The following ABCB7 variants were observed in gnomAD, a reference collection of about 807,000 sequenced individuals.
ABCB7 encodes iron-sulfur clusters transporter ABCB7, mitochondrial.
A neutral mutation model predicts 54.4 loss-of-function variants in ABCB7; 7 were observed. The ratio of observed to expected loss-of-function variants is 0.13; its 90% CI spans 0.07 to 0.24. ABCB7 has a LOEUF of 0.24. Ranked by LOEUF, ABCB7 falls within the 10% of genes least tolerant of loss-of-function variation. ABCB7 has a pLI of 1.00. For missense variants in ABCB7, 356 were observed against 570.4 expected (o/e 0.62, Z 3.83); for synonymous variants, 218 against 207.1 (o/e 1.05, Z -0.45).
intron 15 of ABCB7, among the ~76,000 whole-genome samples, chrX:75,055,410 A>C (rs1043392983): frequency 6.5e-5 from 7 of 108,369 alleles, no homozygotes; most frequent in African/African-American, 2.4e-4. Context: ...TACCACACTC[A>C]GGAAATTTAA....
chrX:75,080,669 A>G (rs1214710349), intron 4 of ABCB7, among the ~76,000 whole-genome samples: 1 of 111,205 alleles, frequency 9.0e-6, no homozygotes, highest in African/African-American at 3.3e-5. Context: ...CCTCACAAAC[A>G]TTTGGTATTA....
At position 75,156,119 on chromosome X, in the gene ABCB7, C is replaced by A; in HGVS notation, c.154G>T (p.Ala52Ser). ...TGGCATCTCACCTGGTAGGCTCGAGCGGTTCCCAAGGCGCCGAGTTGATGT... is the reference window on the plus strand; with the variant it reads ...TGGCATCTCACCTGGTAGGCTCGAGAGGTTCCCAAGGCGCCGAGTTGATGT... Reference protein sequence around the residue: ...RPHQLGALGTARAYQIPESLK... With the variant: ...RPHQLGALGTSRAYQIPESLK... The change falls in exon 1 of 16, where the codon GCT becomes TCT. Residue 52 changes from alanine to serine, a missense_variant. Physicochemically the swap from Ala to Ser is moderately conservative, Grantham distance 99 (BLOSUM62 1). Transcript: ENST00000373394. 1 of 1,209,975 alleles carries A rather than the reference C, an allele frequency of 8.3e-7. No individual in the cohort carries two copies.
chrX:75,153,929 T>C (rs1271306468), intron 1 of ABCB7, among the ~76,000 whole-genome samples: 2 of 109,295 alleles, frequency 1.8e-5, no homozygotes, highest in Non-Finnish European at 3.8e-5. Flanking sequence ...AACACTGCTC[T>C]AAGGTTCCTT....
At chrX:75,142,507 A>G (rs1043640321) in intron 1 of ABCB7, among the ~76,000 whole-genome samples, 1 of 111,825 alleles carries the variant, frequency 8.9e-6, no homozygotes, top group Non-Finnish European at 1.9e-5. Flanking sequence ...AGATCCACTG[A>G]TGCATGCTAA....
Position 75,079,153 on chromosome X carries a change from G to A in ABCB7, c.454-2499C>T, listed in dbSNP as rs73216292. 4.3e-3 allele frequency among the ~76,000 whole-genome samples: 485 copies of A among 112,161 alleles called. 2 individuals carry two copies. Among genetic ancestry groups the A allele is most frequent in the South Asian group, 0.013 (36 of 2,697 alleles). On this transcript the variant is annotated intron_variant, in intron 4 of 15. Coordinates refer to ENST00000373394, the MANE Select transcript of ABCB7 (RefSeq NM_001271696.3). ...GAACATCCTTGTAAGTGTTCAGGAC[G>A]TGTGAGTGTCATCTGCATTGTGTTG...
intron 4 of ABCB7, among the ~76,000 whole-genome samples, chrX:75,097,084 C>T (rs2081597985): frequency 9.0e-6 from 1 of 111,544 alleles, no homozygotes; most frequent in Non-Finnish European, 1.9e-5. Flanking sequence ...CCTTATTACT[C>T]ATCTATTCAA....
chrX:75,085,133 A>G (rs2081487099), intron 4 of ABCB7, among the ~76,000 whole-genome samples: 1 of 112,120 alleles, frequency 8.9e-6, no homozygotes, highest in Admixed American at 9.4e-5. Flanking sequence ...TCACACAAAA[A>G]CCTGTGTCTG....
At chrX:75,122,081 T>C (rs974580479) in intron 1 of ABCB7, among the ~76,000 whole-genome samples, 2 of 111,473 alleles carry the variant, frequency 1.8e-5, no homozygotes, top group Non-Finnish European at 3.8e-5. Context: ...AGCAGGGGCT[T>C]GGTAAAATAA....
intron 4 of ABCB7, among the ~76,000 whole-genome samples, chrX:75,098,670 G>C (rs749167065): frequency 1.8e-5 from 2 of 111,600 alleles, no homozygotes; most frequent in African/African-American, 6.5e-5. Context: ...CTTTTACAAA[G>C]GTGCTTATGC....
intron 1 of ABCB7, among the ~76,000 whole-genome samples, chrX:75,155,467 A>T (rs192001025): frequency 8.9e-6 from 1 of 112,561 alleles, no homozygotes; most frequent in African/African-American, 3.2e-5. Context: ...AGCTACATTC[A>T]TAAGTTAAGG....
At chrX:75,057,914 C>T (rs2081254268) in intron 15 of ABCB7, among the ~76,000 whole-genome samples, 1 of 110,529 alleles carries the variant, frequency 9.0e-6, no homozygotes, top group Admixed American at 9.7e-5. Context: ...TGGTCCTATC[C>T]TTTGGTATGT....
rs183973398 is a variant in ABCB7, at chrX:75,057,630, T to G, written c.2043+2593A>C. Among the ~76,000 whole-genome samples, 316 of 111,752 alleles carry G rather than the reference T, an allele frequency of 2.8e-3. 1 individual carries two copies. The highest frequency in any genetic ancestry group is 9.9e-3 in the African/African-American group (303 of 30,745). On this transcript the variant is annotated intron_variant, in intron 15 of 15. Coordinates refer to ENST00000373394, the MANE Select transcript of ABCB7 (RefSeq NM_001271696.3). ...GTTTTGGAGGTCTATCCACTGACATTTAAGAATAGAGCATTGAAAGGCTGA... is the reference window on the plus strand; with the variant it reads ...GTTTTGGAGGTCTATCCACTGACATGTAAGAATAGAGCATTGAAAGGCTGA...
rs1013722619 is a variant in ABCB7, at chrX:75,051,893, G to A, written c.*1477C>T. 8.9e-6 allele frequency: 1 copy of A among 112,424 alleles called. No homozygotes were observed. Among genetic ancestry groups the A allele is most frequent in the African/African-American group, 3.2e-5 (1 of 30,955 alleles). 9.3% of individuals were successfully genotyped at this position (112,424 alleles called of 1,213,427 possible). ...TTGTAAACTTCGAATAGAAAAAGCA[G>A]CACATTTAAGATGGAAATATAAAAG... On this transcript the variant is annotated 3_prime_UTR_variant, in exon 16 of 16. Coordinates refer to ENST00000373394, the MANE Select transcript of ABCB7 (RefSeq NM_001271696.3).
intron 4 of ABCB7, among the ~76,000 whole-genome samples, chrX:75,085,850 TA>T (rs1271250819): frequency 2.0e-5 from 2 of 102,142 alleles, no homozygotes; most frequent in African/African-American, 8.6e-5. Context: ...GAACTTTAAA[TA>T]TTTTTTTTTT....
At chrX:75,143,694 G>A (rs1270564595) in intron 1 of ABCB7, among the ~76,000 whole-genome samples, 1 of 111,274 alleles carries the variant, frequency 9.0e-6, no homozygotes, top group Non-Finnish European at 1.9e-5. Context: ...AGGCAAGGAG[G>A]AGCAAGACAC....
chrX:75,115,410 C>CTTTTTTTTTTTTTTTTTTTTTTT (rs747398607), intron 1 of ABCB7, among the ~76,000 whole-genome samples: 2 of 30,186 alleles, frequency 6.6e-5, no homozygotes, highest in African/African-American at 1.8e-4. Flanking sequence ...TGTCTCTTTT[C>CTTTTTTTTTTTTTTTTTTTTTTT]TTTTTTTTTT....
chrX:75,083,172 G>C (rs2081469341), intron 4 of ABCB7, among the ~76,000 whole-genome samples: 1 of 111,702 alleles, frequency 9.0e-6, no homozygotes, highest in Non-Finnish European at 1.9e-5. Flanking sequence ...CTGACAGTTT[G>C]GGTTCCATAA....
intron 12 of ABCB7, among the ~76,000 whole-genome samples, chrX:75,067,107 T>G (rs767181732): frequency 1.8e-4 from 20 of 111,963 alleles, no homozygotes; most frequent in Non-Finnish European, 3.4e-4. Flanking sequence ...CACTGCCAAT[T>G]TGCTTGTCAG....
At chrX:75,053,813 A>G (rs901492725) in intron 15 of ABCB7, among the ~76,000 whole-genome samples, 1 of 111,731 alleles carries the variant, frequency 9.0e-6, no homozygotes, top group Non-Finnish European at 1.9e-5. Context: ...AATTTCTAAT[A>G]CCATAAACAC....
Sources: allele counts gnomAD v4.1 joint callset (sites outside exome capture counted in the v4.1 genomes callset), GRCh38; gene constraint gnomAD v4.1.1; transcripts MANE v1.5; gene names NCBI Gene and HGNC (gene_info 2026-07-23, HGNC 2026-07-21).